CLASP2: variants seen among roughly 807,000 people sequenced by gnomAD.
CLASP2 encodes the protein cytoplasmic linker associated protein 2.
A neutral mutation model predicts 194.4 loss-of-function variants in CLASP2; 47 were observed. The observed-to-expected ratio is 0.24, with a 90% confidence interval of 0.19 to 0.31. The LOEUF is 0.31. Among genes scored for constraint, CLASP2 ranks in the 10% least tolerant of loss-of-function variants. The pLI is 1.00. For missense variants in CLASP2, 1,445 were observed against 1,823.6 expected (o/e 0.79, Z 3.78); for synonymous variants, 619 against 633.5 (o/e 0.98, Z 0.34).
rs149604150 is a variant in CLASP2 at position 33,597,664 on chromosome 3, C to G, written c.1925-930G>C. On this transcript the variant is annotated intron_variant, in intron 18 of 38. Coordinates refer to ENST00000682230, the MANE Select transcript of CLASP2 (RefSeq NM_001365631.1). ...GGCTGTGCAAGCAGAGTGCCAATCC[C>G]CTACTGGCCCCCCAGCGTGAGTCTT... 2.7e-3 allele frequency among the ~76,000 whole-genome samples: 404 copies of G among 152,154 alleles called. 2 individuals are homozygous for G. Among genetic ancestry groups the G allele is most frequent in the African/African-American group, 9.4e-3 (391 of 41,508 alleles).
chr3:33,645,212 C>A, intron 7 of CLASP2: 1 of 759,894 alleles, frequency 1.3e-6, no homozygotes, highest in East Asian at 2.4e-5. Context: ...GCATTTTCTG[C>A]CAGCTCCTCC....
At chr3:33,678,183 G>A (rs2089175270) in intron 6 of CLASP2, among the ~76,000 whole-genome samples, 1 of 151,712 alleles carries the variant, frequency 6.6e-6, no homozygotes, top group Non-Finnish European at 1.5e-5. Flanking sequence ...AGAACAGAAA[G>A]AATACTTGAA....
At position 33,560,886 on chromosome 3, in the gene CLASP2, G is replaced by C; in HGVS notation, c.2852C>G (p.Thr951Arg). 6.2e-7 allele frequency: 1 copy of C among 1,613,828 alleles called. No individual in the cohort carries two copies. The highest frequency in any genetic ancestry group is 2.2e-5 in the East Asian group (1 of 44,876). ...DLQDWLFVLL[T>R]QLLKKMGADL... ...AGCACCCATTTTTTTTAGTAGTTGTGTCAGCAGTACAAACAACCAATCTTG... is the reference window on the plus strand; with the variant it reads ...AGCACCCATTTTTTTTAGTAGTTGTCTCAGCAGTACAAACAACCAATCTTG... The change falls in exon 28 of 39, where the codon ACA becomes AGA. Residue 951 changes from threonine (T) to arginine (R), a missense_variant. Coordinates refer to ENST00000682230, the MANE Select transcript of CLASP2 (RefSeq NM_001365631.1).
At chr3:33,672,473 G>C (rs1227262939) in intron 6 of CLASP2, among the ~76,000 whole-genome samples, 1 of 152,134 alleles carries the variant, frequency 6.6e-6, no homozygotes, top group Non-Finnish European at 1.5e-5. Flanking sequence ...ACCAAAAGTA[G>C]ATAAAACCAC....
At chr3:33,603,466 AG>A in intron 17 of CLASP2, among the ~76,000 whole-genome samples, 1 of 152,224 alleles carries the variant, frequency 6.6e-6, no homozygotes, top group African/African-American at 2.4e-5. Flanking sequence ...CAAGATAAAT[AG>A]AAAGCAGCAG....
chr3:33,664,226 T>G (rs2085790320), intron 6 of CLASP2, among the ~76,000 whole-genome samples: 1 of 152,228 alleles, frequency 6.6e-6, no homozygotes, highest in South Asian at 2.1e-4. Flanking sequence ...GATACTTTTA[T>G]ATTCATATAC....
At chr3:33,537,678 T>C (rs1425870557) in intron 33 of CLASP2, among the ~76,000 whole-genome samples, 2 of 152,148 alleles carry the variant, frequency 1.3e-5, no homozygotes, top group African/African-American at 4.8e-5. Context: ...TAAAAATACT[T>C]GAGAGTCAGT....
At chr3:33,551,854 G>A (rs370640716) in intron 29 of CLASP2, among the ~76,000 whole-genome samples, 4 of 151,674 alleles carry the variant, frequency 2.6e-5, no homozygotes, top group African/African-American at 4.8e-5. Flanking sequence ...TATTAACTCT[G>A]TAATTTTGTT....
At chr3:33,578,612 G>C (rs776794712) in intron 23 of CLASP2, among the ~76,000 whole-genome samples, 1 of 152,068 alleles carries the variant, frequency 6.6e-6, no homozygotes, top group Non-Finnish European at 1.5e-5. Flanking sequence ...AGCCCCGAAA[G>C]GTGACTGGTA....
chr3:33,699,640 CT>C (rs902987905), intron 1 of CLASP2, among the ~76,000 whole-genome samples: 3 of 151,916 alleles, frequency 2.0e-5, no homozygotes, highest in Admixed American at 1.3e-4. Flanking sequence ...GTACTGAGAC[CT>C]ATATATAAAT....
Position 33,619,834 on chromosome 3 carries a change from G to A in CLASP2, c.1182-96C>T, listed in dbSNP as rs2076830545. On this transcript the variant is annotated intron_variant, in intron 11 of 38. Transcript: ENST00000682230. ...AATACTCTTTTACTGAATTAACTTA[G>A]GAATTTGTATTTTAATCAGTTGTAA... 3.8e-6 allele frequency: 4 copies of A among 1,057,166 alleles called. No homozygotes were observed. In the African/African-American group the frequency reaches 6.7e-5, roughly 18 times the overall value. 65.5% of individuals were successfully genotyped at this position (1,057,166 alleles called of 1,614,324 possible).
intron 25 of CLASP2, 53 bp from the exon 26 acceptor site, chr3:33,570,843 G>A: frequency 8.0e-7 from 1 of 1,251,246 alleles, no homozygotes. Flanking sequence ...AAGAAGTCAT[G>A]TAAAAGTAAC....
intron 29 of CLASP2, among the ~76,000 whole-genome samples, chr3:33,556,565 A>C (rs2154172095): frequency 6.6e-6 from 1 of 151,546 alleles, no homozygotes; most frequent in Admixed American, 6.6e-5. Flanking sequence ...CCTCCCGAGT[A>C]GTTGGGATTA....
intron 26 of CLASP2, among the ~76,000 whole-genome samples, chr3:33,570,406 C>T (rs1274534744): frequency 2.6e-5 from 4 of 151,994 alleles, no homozygotes; most frequent in African/African-American, 9.7e-5. Context: ...TGTTAAAAAC[C>T]TTTTCAACTT....
chr3:33,549,847 T>G (rs1224895913), intron 30 of CLASP2, among the ~76,000 whole-genome samples: 1 of 151,900 alleles, frequency 6.6e-6, no homozygotes, highest in Non-Finnish European at 1.5e-5. Flanking sequence ...CAAGTGATCC[T>G]TCCACCTTAG....
chr3:33,643,509 AGACAAAAAGAAAATAATT>A (rs1440724699), intron 8 of CLASP2, among the ~76,000 whole-genome samples: 3 of 151,972 alleles, frequency 2.0e-5, no homozygotes, highest in Non-Finnish European at 4.4e-5. Flanking sequence ...TAAAATTACA[AGACAAAAAGAAAATAATT>A]AAAAATCTAA....
intron 8 of CLASP2, among the ~76,000 whole-genome samples, chr3:33,635,181 A>G (rs1260215280): frequency 1.3e-5 from 2 of 151,786 alleles, no homozygotes; most frequent in Admixed American, 6.6e-5. Context: ...AATCGCTTGA[A>G]CCTGGGAGGC....
chr3:33,626,179 T>C (rs542667524), intron 10 of CLASP2, among the ~76,000 whole-genome samples: 1 of 152,128 alleles, frequency 6.6e-6, no homozygotes, highest in Non-Finnish European at 1.5e-5. Context: ...AAAATGGTCC[T>C]TTGTTCATAG....
Position 33,612,140 on chromosome 3 carries a change from T to G in CLASP2, c.1318-69A>C. On this transcript the variant is annotated intron_variant, in intron 12 of 38. Coordinates refer to ENST00000682230, the MANE Select transcript of CLASP2 (RefSeq NM_001365631.1). The stretch of plus-strand genomic sequence containing the variant: ...CATGTGGTCCTTTCTTCTATTTGCC[T>G]TACATTCAAGTATTTAGTTATGTTA... 3.2e-6 allele frequency: 3 copies of G among 938,840 alleles called. No individual in the cohort carries two copies. The South Asian group carries it at 4.4e-5, about 14-fold the overall frequency. The allele number at this position is 938,840 out of a possible 1,614,324, so 58.2% of individuals were successfully genotyped here.
Sources: allele counts gnomAD v4.1 joint callset (sites outside exome capture counted in the v4.1 genomes callset), GRCh38; gene constraint gnomAD v4.1.1; transcripts MANE v1.5; gene names NCBI Gene and HGNC (gene_info 2026-07-23, HGNC 2026-07-21).